The following C16orf96 variants were observed in gnomAD, a reference collection of about 807,000 sequenced individuals.
C16orf96 encodes the protein uncharacterized protein C16orf96.
A neutral mutation model predicts 103.6 loss-of-function variants in C16orf96; 108 were observed. The ratio of observed to expected loss-of-function variants is 1.04; its 90% CI spans 0.89 to 1.22. The LOEUF (loss-of-function observed/expected upper bound fraction) is 1.22. Among genes scored for constraint, C16orf96 ranks in the 50% most tolerant of loss-of-function variants. The probability of loss-of-function intolerance (pLI) is 0.00; values close to 1 mark genes in which losing one functional copy is unlikely to be tolerated. For synonymous variants in C16orf96, 566 were observed against 593.5 expected (o/e 0.95, Z 0.67); for missense variants, 1,586 against 1,464.2 (o/e 1.08, Z -1.36).
upstream of C16orf96, among the ~76,000 whole-genome samples, chr16:4,552,596 T>A (rs1032577915): frequency 6.6e-6 from 1 of 152,018 alleles, no homozygotes; most frequent in Non-Finnish European, 1.5e-5. Flanking sequence ...GAATATGCGA[T>A]AGTTGGATGG....
chr16:4,551,257 G>A, the C16orf96 span, among the ~76,000 whole-genome samples: 2 of 152,252 alleles, frequency 1.3e-5, no homozygotes, highest in African/African-American at 4.8e-5. Flanking sequence ...GTGACAGTGA[G>A]ACCCTATCTC....
At chr16:4,590,074 C>A (rs973767816) in intron 9 of C16orf96, among the ~76,000 whole-genome samples, 6 of 151,690 alleles carry the variant, frequency 4.0e-5, no homozygotes, top group Non-Finnish European at 8.8e-5. Flanking sequence ...TGTAGTAAGC[C>A]GAGATAGCGC....
At position 4,575,447 on chromosome 16, in the gene C16orf96, G is replaced by A; in HGVS notation, c.967G>A (p.Glu323Lys). 6.5e-7 allele frequency: 1 copy of A among 1,549,124 alleles called. No homozygotes were observed. Among genetic ancestry groups the A allele is most frequent in the Non-Finnish European group, 8.7e-7 (1 of 1,146,964 alleles). ...TGAGTCTGCACCTGGGTGCACAACTGAATTTGCACCTGGGCCTGCACCTGG... is the reference window on the plus strand; with the variant it reads ...TGAGTCTGCACCTGGGTGCACAACTAAATTTGCACCTGGGCCTGCACCTGG... ...TPESAPGCTT[E>K]FAPGPAPGTE... Residue 323 changes from glutamate (E) to lysine (K), a missense_variant, in exon 5 of 16, where the codon GAA (glutamate) becomes AAA (lysine). Coordinates refer to ENST00000444310, the MANE Select transcript of C16orf96 (RefSeq NM_001145011.2).
At chr16:4,544,019 G>A in the C16orf96 span, among the ~76,000 whole-genome samples, 1 of 152,122 alleles carries the variant, frequency 6.6e-6, no homozygotes, top group Non-Finnish European at 1.5e-5. Flanking sequence ...CACTGGGAAG[G>A]GAAGGGGCTC....
At chr16:4,570,235 C>T (rs1399790124) in intron 1 of C16orf96, among the ~76,000 whole-genome samples, 1 of 152,144 alleles carries the variant, frequency 6.6e-6, no homozygotes, top group Non-Finnish European at 1.5e-5. Flanking sequence ...GGAATAAATT[C>T]ACTTTCTTTT....
At chr16:4,542,678 A>G in the C16orf96 span, among the ~76,000 whole-genome samples, 14 of 151,274 alleles carry the variant, frequency 9.3e-5, no homozygotes, top group African/African-American at 2.9e-4. Context: ...GGCGCCTGTA[A>G]TCCCAGCTAC....
intron 7 of C16orf96, among the ~76,000 whole-genome samples, chr16:4,581,308 C>G (rs1323668280): frequency 6.7e-6 from 1 of 148,776 alleles, no homozygotes; most frequent in Non-Finnish European, 1.5e-5. Context: ...GCATTCCAGC[C>G]TGGGCAACAA....
rs146397493 is a variant in C16orf96 at position 4,596,060 on chromosome 16, G to A, written c.3127+1257G>A. ...AGACCAGACATGGAAGAAGGGAAGG[G>A]GGACTGTTTCATCAATGTGCTGGGC... On this transcript the variant is annotated intron_variant, in intron 14 of 15. Coordinates refer to ENST00000444310, the MANE Select transcript of C16orf96 (RefSeq NM_001145011.2). Among the ~76,000 whole-genome samples the A allele has an allele frequency of 3.9e-5, 6 of 152,054 alleles. No individual in the cohort carries two copies. In the South Asian group the frequency reaches 1.2e-3, roughly 32 times the overall value.
In C16orf96 at chr16:4,575,550, G is replaced by C; in HGVS notation, c.1070G>C (p.Ser357Thr). The change falls in exon 5 of 16, where the codon AGT becomes ACT. Residue 357 changes from serine (S) to threonine (T), a missense_variant. Physicochemically the swap from Ser to Thr is moderately conservative, Grantham distance 58 (BLOSUM62 1). Coordinates refer to ENST00000444310, the MANE Select transcript of C16orf96 (RefSeq NM_001145011.2). Reference protein sequence around the residue: ...VPALGPVPGPSVTPGSLPAPW... With the variant: ...VPALGPVPGPTVTPGSLPAPW... ...GCCCTGGGGCCTGTCCCAGGGCCCA[G>C]TGTGACACCTGGGTCCTTGCCAGCA... is the stretch of plus-strand genomic sequence containing the variant. 2 of 1,538,238 alleles carry C rather than the reference G, an allele frequency of 1.3e-6. No individual in the cohort carries two copies. Among genetic ancestry groups the C allele is most frequent in the Non-Finnish European group, 1.7e-6 (2 of 1,143,398 alleles).
chr16:4,597,661 ATCCTCCCTCTTCAGCCT>A (rs1897201955), intron 14 of C16orf96, among the ~76,000 whole-genome samples: 1 of 151,850 alleles, frequency 6.6e-6, no homozygotes, highest in South Asian at 2.1e-4. Flanking sequence ...GGCTCAAGAA[ATCCTCCCTCTTCAGCCT>A]TCCAAGTGAC....
rs913577203 is a variant in C16orf96 at position 4,556,545 on chromosome 16, G to C, written c.56G>C (p.Gly19Ala). Residue 19 changes from glycine to alanine, a missense_variant, in exon 1 of 16, where the codon GGG becomes GCG. Coordinates refer to ENST00000444310, the MANE Select transcript of C16orf96 (RefSeq NM_001145011.2). ...ELANIAIPQC[G>A]VLNFKALHLL... Reference sequence around the variant, plus strand: ...GCCAACATCGCCATCCCACAGTGCGGGGTGCTGAACTTCAAGGCCCTGCAC... The same window carrying C: ...GCCAACATCGCCATCCCACAGTGCGCGGTGCTGAACTTCAAGGCCCTGCAC... The C allele has an allele frequency of 6.4e-7, 1 of 1,550,520 alleles. No homozygotes were observed. The highest frequency in any genetic ancestry group is 1.4e-5 in the African/African-American group (1 of 73,030).
In C16orf96 at chr16:4,600,106, GC is replaced by G. The variant is rs1897251968; in HGVS notation, c.3220del (p.Arg1074AlafsTer13). The G allele has an allele frequency of 6.4e-7, 1 of 1,551,096 alleles. No individual in the cohort carries two copies. The highest frequency in any genetic ancestry group is 8.7e-7 in the Non-Finnish European group (1 of 1,147,086). ...ALFGAICPPL[C>X]PRSSACSAAS... Reference sequence around the variant, plus strand: ...TTCTCCTGCCCCTCCCCAGCCCTGTGCCCCCGCTCCAGTGCCTGCTCAGCTG... The same window carrying G: ...TTCTCCTGCCCCTCCCCAGCCCTGTGCCCCGCTCCAGTGCCTGCTCAGCTG... On this transcript the variant is annotated frameshift_variant, in exon 16 of 16. Coordinates refer to ENST00000444310, the MANE Select transcript of C16orf96 (RefSeq NM_001145011.2). LOFTEE classifies it low-confidence loss of function (END_TRUNC).
intron 7 of C16orf96, among the ~76,000 whole-genome samples, 192 bp downstream of exon 7, chr16:4,580,317 C>CCA (rs1555506263): frequency 5.4e-5 from 7 of 130,766 alleles, no homozygotes; most frequent in East Asian, 2.9e-4. Context: ...ACCACCCCCC[C>CCA]CCACCCATAT....
intron 2 of C16orf96, among the ~76,000 whole-genome samples, chr16:4,573,990 C>T (rs1012896902): frequency 2.7e-5 from 4 of 150,332 alleles, no homozygotes; most frequent in African/African-American, 7.3e-5. Flanking sequence ...CAAGCCACCA[C>T]GCCTAGCTAA....
At chr16:4,554,733 A>T (rs1412481402), upstream of C16orf96, among the ~76,000 whole-genome samples, 1 of 150,706 alleles carries the variant, frequency 6.6e-6, no homozygotes, top group East Asian at 2.0e-4. Context: ...GCTCACTGCA[A>T]CCTCTGCCTC....
intron 11 of C16orf96, among the ~76,000 whole-genome samples, 174 bp downstream of exon 11, chr16:4,592,541 C>T (rs929853042): frequency 6.6e-6 from 1 of 152,180 alleles, no homozygotes; most frequent in Non-Finnish European, 1.5e-5. Context: ...ATTCTCTATG[C>T]ACCAGGTATC....
At chr16:4,599,464 C>T in intron 15 of C16orf96, 100 bp downstream of exon 15, 3 of 1,030,818 alleles carry the variant, frequency 2.9e-6, no homozygotes, top group Non-Finnish European at 4.4e-6. Flanking sequence ...CTGGGCTCTC[C>T]TGTCCACCTC....
chr16:4,565,209 G>A (rs1220576453), intron 1 of C16orf96, among the ~76,000 whole-genome samples: 1 of 152,116 alleles, frequency 6.6e-6, no homozygotes, highest in Non-Finnish European at 1.5e-5. Flanking sequence ...GCCCTGCCTC[G>A]AGGACTATGG....
the C16orf96 span, among the ~76,000 whole-genome samples, chr16:4,539,758 C>T: frequency 6.6e-6 from 1 of 152,098 alleles, no homozygotes. Flanking sequence ...TAAACCTCCC[C>T]AGTTGATCCT....
Sources: allele counts gnomAD v4.1 joint callset (sites outside exome capture counted in the v4.1 genomes callset), GRCh38; gene constraint gnomAD v4.1.1; transcripts MANE v1.5; gene names NCBI Gene and HGNC (gene_info 2026-07-23, HGNC 2026-07-21).